MACROD2: variants seen among roughly 807,000 people sequenced by gnomAD.
The protein encoded by MACROD2 is ADP-ribose glycohydrolase MACROD2.
A neutral mutation model predicts 70.4 loss-of-function variants in MACROD2; 36 were observed. The observed-to-expected ratio is 0.51, with a 90% confidence interval of 0.39 to 0.68. The LOEUF (loss-of-function observed/expected upper bound fraction) is 0.68, where lower values mean the gene tolerates loss of function less well. Among genes scored for constraint, MACROD2 ranks in the 30% least tolerant of loss-of-function variants. The pLI, the probability that MACROD2 is intolerant of heterozygous loss-of-function variation, is 0.00. For synonymous variants in MACROD2, 172 were observed against 178.8 expected, an observed-to-expected ratio of 0.96 and a Z score of 0.30; for missense variants, 496 against 538.4, an observed-to-expected ratio of 0.92 and a Z score of 0.78.
chr20:15,321,026 T>C (rs1226416914), intron 6 of MACROD2, among the ~76,000 whole-genome samples: 1 of 152,198 alleles, frequency 6.6e-6, no homozygotes, highest in African/African-American at 2.4e-5. Flanking sequence ...AAGCACTTAA[T>C]AAATATGAAC....
chr20:14,579,132 T>C, intron 4 of MACROD2, among the ~76,000 whole-genome samples: 2 of 133,194 alleles, frequency 1.5e-5, no homozygotes, highest in Admixed American at 7.6e-5. Flanking sequence ...CAATTCTTTT[T>C]TTTTTTTTTT....
chr20:14,195,406 G>A (rs1158625169), intron 3 of MACROD2, among the ~76,000 whole-genome samples: 1 of 152,110 alleles, frequency 6.6e-6, no homozygotes, highest in African/African-American at 2.4e-5. Flanking sequence ...GAAGGGCATG[G>A]TCCCTTTCAA....
At chr20:15,598,974 T>G (rs919128127) in intron 8 of MACROD2, among the ~76,000 whole-genome samples, 3 of 152,196 alleles carry the variant, frequency 2.0e-5, no homozygotes, top group African/African-American at 7.2e-5. Context: ...ATTTATACCA[T>G]TATTTCTTTA....
At position 14,477,096 on chromosome 20, in the gene MACROD2, G is replaced by A. The variant is rs955065009; in HGVS notation, c.272-16383G>A. Among the ~76,000 whole-genome samples, 6 of 152,090 alleles carry A rather than the reference G, an allele frequency of 3.9e-5. No individual in the cohort carries two copies. In the South Asian group the frequency reaches 8.3e-4, roughly 21 times the overall value. ...TCTTGTGTCCAGAGAATTGGGAGGC[G>A]GGAAGGGGACTGGACAGAGTTTGGC... On this transcript the variant is annotated intron_variant, in intron 3 of 17. Coordinates refer to ENST00000684519, the MANE Select transcript of MACROD2 (RefSeq NM_001351661.2).
chr20:15,230,311 C>T (rs2076949023), intron 6 of MACROD2, among the ~76,000 whole-genome samples: 1 of 152,090 alleles, frequency 6.6e-6, no homozygotes, highest in South Asian at 2.1e-4. Context: ...CTACTTTTTC[C>T]TCTTTATTTT....
intron 5 of MACROD2, among the ~76,000 whole-genome samples, chr20:15,176,357 C>T (rs1306357289): frequency 6.6e-6 from 1 of 152,188 alleles, no homozygotes; most frequent in Non-Finnish European, 1.5e-5. Context: ...GCTGCCAGTT[C>T]CTGATGAAGT....
intron 6 of MACROD2, among the ~76,000 whole-genome samples, chr20:15,234,176 C>T (rs1456810741): frequency 3.5e-5 from 5 of 141,444 alleles, no homozygotes; most frequent in African/African-American, 1.0e-4. Flanking sequence ...GGACTACAGG[C>T]GCCCGCTACC....
At chr20:15,286,033 A>G (rs1468910516) in intron 6 of MACROD2, among the ~76,000 whole-genome samples, 1 of 152,136 alleles carries the variant, frequency 6.6e-6, no homozygotes, top group African/African-American at 2.4e-5. Context: ...ACCTGAGTAA[A>G]GGAAGGAGTC....
chr20:15,222,480 G>A (rs777584244), intron 5 of MACROD2, among the ~76,000 whole-genome samples: 1 of 152,060 alleles, frequency 6.6e-6, no homozygotes, highest in African/African-American at 2.4e-5. Context: ...ATATAAATTG[G>A]CCAGTAAGAT....
At chr20:14,679,215 G>C (rs2070899443) in intron 4 of MACROD2, among the ~76,000 whole-genome samples, 1 of 152,188 alleles carries the variant, frequency 6.6e-6, no homozygotes, top group Non-Finnish European at 1.5e-5. Flanking sequence ...GGAACATAAA[G>C]AGACATTTAT....
chr20:15,267,574 C>CT (rs1311374782), intron 6 of MACROD2, among the ~76,000 whole-genome samples: 1 of 152,196 alleles, frequency 6.6e-6, no homozygotes, highest in Non-Finnish European at 1.5e-5. Context: ...CAGACATTCA[C>CT]TAAGCATGCC....
intron 5 of MACROD2, among the ~76,000 whole-genome samples, chr20:15,016,987 T>C (rs890453300): frequency 6.6e-6 from 1 of 152,146 alleles, no homozygotes; most frequent in Non-Finnish European, 1.5e-5. Flanking sequence ...AACCATATCA[T>C]GCTGCCCTTG....
At chr20:14,769,638 C>G (rs2072139276) in intron 5 of MACROD2, among the ~76,000 whole-genome samples, 1 of 152,078 alleles carries the variant, frequency 6.6e-6, no homozygotes, top group Non-Finnish European at 1.5e-5. Flanking sequence ...TAGATGACTT[C>G]TTAGCTGTAA....
rs571281667 is a variant in MACROD2 at position 15,464,615 on chromosome 20, T to G, written c.571+33180T>G. Among the ~76,000 whole-genome samples, 3 of 152,336 alleles carry G rather than the reference T, an allele frequency of 2.0e-5. No individual in the cohort carries two copies. In the South Asian group the frequency reaches 6.2e-4, roughly 32 times the overall value. ...CTCCCAGTCCCTTCTAAAACTCTTTTGCCTTAGCTTTATCCCACTCTGACT... is the reference window on the plus strand; with the variant it reads ...CTCCCAGTCCCTTCTAAAACTCTTTGGCCTTAGCTTTATCCCACTCTGACT... On this transcript the variant is annotated intron_variant, in intron 7 of 17. Coordinates refer to ENST00000684519, the MANE Select transcript of MACROD2 (RefSeq NM_001351661.2).
At position 14,900,689 on chromosome 20, in the gene MACROD2, CT is replaced by C. The variant is rs1397028187; in HGVS notation, c.418+215739del. ...TAATTATGATTTTAGTAATTGAGCC[CT>C]TTTTTTTTCTTTGCCAGTCAGCTAA... is the stretch of plus-strand genomic sequence containing the variant. On this transcript the variant is annotated intron_variant, in intron 5 of 17. Transcript: ENST00000684519. Among the ~76,000 whole-genome samples the C allele has an allele frequency of 4.0e-5, 6 of 150,734 alleles. No individual in the cohort carries two copies. The South Asian group carries it at 6.3e-4, about 16-fold the overall frequency.
At chr20:14,709,748 C>A (rs2071315426) in intron 5 of MACROD2, among the ~76,000 whole-genome samples, 1 of 152,126 alleles carries the variant, frequency 6.6e-6, no homozygotes, top group East Asian at 1.9e-4. Flanking sequence ...ATTGTTTAAA[C>A]AGAAACAAGT....
intron 5 of MACROD2, among the ~76,000 whole-genome samples, chr20:15,136,663 A>T (rs890929611): frequency 4.6e-5 from 7 of 151,996 alleles, no homozygotes; most frequent in Admixed American, 2.0e-4. Context: ...CAAGGACTTC[A>T]TGTCTAAAAC....
At position 14,903,353 on chromosome 20, in the gene MACROD2, A is replaced by G. The variant is rs1489774129; in HGVS notation, c.418+218394A>G. Among the ~76,000 whole-genome samples, 3 of 152,044 alleles carry G rather than the reference A, an allele frequency of 2.0e-5. 1 individual carries two copies. Among genetic ancestry groups the G allele is most frequent in the Admixed American group, 1.3e-4 (2 of 15,258 alleles). On this transcript the variant is annotated intron_variant, in intron 5 of 17. Transcript: ENST00000684519. Reference sequence around the variant, plus strand: ...ACTGCACCCGGCCCAGGTTTCTTACATGACTTATTTGAAGAAGACAGGAAC... The same window carrying G: ...ACTGCACCCGGCCCAGGTTTCTTACGTGACTTATTTGAAGAAGACAGGAAC...
chr20:15,878,922 G>C lies in MACROD2; in HGVS notation c.728-6842G>C, dbSNP rs565709593. Among the ~76,000 whole-genome samples the C allele has an allele frequency of 2.6e-5, 4 of 152,116 alleles. No individual in the cohort carries two copies. In the South Asian group the frequency reaches 6.2e-4, roughly 24 times the overall value. ...ATTTTGTGATCAAAATAAGAACTTC[G>C]GTCATATTCATGTGTTTGTGTAGAA... On this transcript the variant is annotated intron_variant, in intron 9 of 17. Coordinates refer to ENST00000684519, the MANE Select transcript of MACROD2 (RefSeq NM_001351661.2).
Sources: allele counts gnomAD v4.1 joint callset (sites outside exome capture counted in the v4.1 genomes callset), GRCh38; gene constraint gnomAD v4.1.1; transcripts MANE v1.5; gene names NCBI Gene and HGNC (gene_info 2026-07-23, HGNC 2026-07-21).